SMOC2: variants seen among roughly 807,000 people sequenced by gnomAD.
The protein encoded by SMOC2 is SPARC related modular calcium binding 2, also known as SPARC-related modular calcium-binding protein 2.
Under a neutral mutation model 61.4 loss-of-function variants are expected in SMOC2, and 39 were observed. That is an observed-to-expected ratio of 0.64 (90% CI 0.49 to 0.83). The LOEUF is 0.83. Among genes scored for constraint, SMOC2 ranks in the 40% least tolerant of loss-of-function variants. SMOC2 has a pLI of 0.00. For synonymous variants in SMOC2, 247 were observed against 239.9 expected, an observed-to-expected ratio of 1.03 and a Z score of -0.27; for missense variants, 556 against 592.9, an observed-to-expected ratio of 0.94 and a Z score of 0.65.
intron 1 of SMOC2, among the ~76,000 whole-genome samples, chr6:168,455,073 C>T (rs1781553223): frequency 6.6e-6 from 1 of 151,918 alleles, no homozygotes; most frequent in Non-Finnish European, 1.5e-5. Flanking sequence ...TTGTTAGGGG[C>T]CCCTGCAGGG....
At position 168,546,976 on chromosome 6, in the gene SMOC2, C is replaced by T. The variant is rs112812330; in HGVS notation, c.512-143C>T. The T allele has an allele frequency of 2.2e-4, 196 of 908,460 alleles. No individual in the cohort carries two copies. The African/African-American group carries it at 2.7e-3, about 12-fold the overall frequency. The allele number at this position is 908,460 out of a possible 1,614,324, so 56.3% of individuals were successfully genotyped here. A position where few individuals can be genotyped will look rare whatever the true frequency, so the allele number is the denominator to read the frequency against. On this transcript the variant is annotated intron_variant, in intron 5 of 12. Transcript: ENST00000356284. ...TTCCAGCCGCAGCTGCAGGCAGCATCGCGTTGGGTCTGTGTGGGGTTGCTG... is the reference window on the plus strand; with the variant it reads ...TTCCAGCCGCAGCTGCAGGCAGCATTGCGTTGGGTCTGTGTGGGGTTGCTG...
chr6:168,560,301 G>A (rs1189971824), intron 7 of SMOC2, among the ~76,000 whole-genome samples: 1 of 152,168 alleles, frequency 6.6e-6, no homozygotes, highest in Non-Finnish European at 1.5e-5. Context: ...AGATGAAAGG[G>A]CAAACGAAGA....
intron 7 of SMOC2, among the ~76,000 whole-genome samples, chr6:168,559,511 T>G (rs1784343564): frequency 6.6e-6 from 1 of 150,764 alleles, no homozygotes; most frequent in Non-Finnish European, 1.5e-5. Context: ...AGTAACATAG[T>G]AGAAGAGATT....
chr6:168,638,615 G>A (rs1786807699), intron 9 of SMOC2, among the ~76,000 whole-genome samples: 1 of 152,168 alleles, frequency 6.6e-6, no homozygotes. Flanking sequence ...GGCTGGGAAG[G>A]CCCATCAGGA....
intron 8 of SMOC2, among the ~76,000 whole-genome samples, chr6:168,605,393 G>A (rs1198473870): frequency 2.0e-5 from 3 of 152,118 alleles, no homozygotes; most frequent in Non-Finnish European, 4.4e-5. Flanking sequence ...AGAGACGTTT[G>A]TGTTTTTCCT....
At chr6:168,457,399 G>T (rs1353505726) in intron 1 of SMOC2, among the ~76,000 whole-genome samples, 1 of 152,172 alleles carries the variant, frequency 6.6e-6, no homozygotes, top group African/African-American at 2.4e-5. Context: ...GGCTGACTGC[G>T]ATGGACTCAG....
intron 8 of SMOC2, among the ~76,000 whole-genome samples, chr6:168,601,247 G>T (rs1785546920): frequency 6.6e-6 from 1 of 152,216 alleles, no homozygotes; most frequent in Admixed American, 6.5e-5. Context: ...GGCCCGCTGG[G>T]AGTCCTGCTT....
intron 1 of SMOC2, among the ~76,000 whole-genome samples, 176 bp from the exon 2 acceptor site, chr6:168,509,739 A>T (rs1365300274): frequency 6.6e-6 from 1 of 152,192 alleles, no homozygotes; most frequent in Admixed American, 6.5e-5. Flanking sequence ...GAAACAGATG[A>T]TGGCTAAAAT....
intron 2 of SMOC2, among the ~76,000 whole-genome samples, chr6:168,510,977 T>A (rs1469939770): frequency 6.6e-6 from 1 of 152,182 alleles, no homozygotes; most frequent in African/African-American, 2.4e-5. Context: ...AGACCGCATG[T>A]CCAGCAGGGG....
intron 7 of SMOC2, among the ~76,000 whole-genome samples, chr6:168,590,907 T>C (rs1274920343): frequency 6.6e-6 from 1 of 152,212 alleles, no homozygotes; most frequent in African/African-American, 2.4e-5. Flanking sequence ...ATTTTTTTAA[T>C]AGACCTTCTA....
intron 1 of SMOC2, among the ~76,000 whole-genome samples, chr6:168,488,046 T>C (rs2115029482): frequency 6.6e-6 from 1 of 152,326 alleles, no homozygotes; most frequent in East Asian, 1.9e-4. Flanking sequence ...AGCAAGGCAA[T>C]ACATCTGCAG....
rs1485115094 is a variant in SMOC2 at position 168,545,809 on chromosome 6, T to C, written c.512-1310T>C. On this transcript the variant is annotated intron_variant, in intron 5 of 12. Transcript: ENST00000356284. ...CAGCAAAAACACACAACAGTAATAATGTATTTGATTGTCCTCATTCCAAAA... is the reference window on the plus strand; with the variant it reads ...CAGCAAAAACACACAACAGTAATAACGTATTTGATTGTCCTCATTCCAAAA... 5.3e-5 allele frequency among the ~76,000 whole-genome samples: 8 copies of C among 152,230 alleles called. No homozygotes were observed. The South Asian group carries it at 1.7e-3, about 32-fold the overall frequency.
chr6:168,653,590 T>C (rs965346288), intron 11 of SMOC2, among the ~76,000 whole-genome samples: 5 of 150,558 alleles, frequency 3.3e-5, no homozygotes, highest in Non-Finnish European at 5.9e-5. Flanking sequence ...TCCAACCAAA[T>C]GTTAGGAACT....
At position 168,639,473 on chromosome 6, in the gene SMOC2, G is replaced by A. The variant is rs79311819; in HGVS notation, c.908-11208G>A. Among the ~76,000 whole-genome samples, 77 of 152,318 alleles carry A rather than the reference G, an allele frequency of 5.1e-4. 1 individual carries two copies. The East Asian group carries it at 0.012, about 24-fold the overall frequency. On this transcript the variant is annotated intron_variant, in intron 9 of 12. Coordinates refer to ENST00000356284, the MANE Select transcript of SMOC2 (RefSeq NM_001166412.2). ...GTAGGATAGGGTATCTGGGATAACC[G>A]TCAACTCCAATATTTGTCTTTCCGT...
At chr6:168,514,695 C>T (rs1249958209) in intron 2 of SMOC2, among the ~76,000 whole-genome samples, 4 of 146,562 alleles carry the variant, frequency 2.7e-5, no homozygotes, top group East Asian at 2.0e-4. Flanking sequence ...TGGAAACAAG[C>T]GCTGTAGAAG....
intron 1 of SMOC2, among the ~76,000 whole-genome samples, chr6:168,503,976 C>A (rs571921903): frequency 6.6e-6 from 1 of 152,150 alleles, no homozygotes; most frequent in South Asian, 2.1e-4. Flanking sequence ...TCTGTTTGAA[C>A]CCCGGTCTCC....
intron 1 of SMOC2, among the ~76,000 whole-genome samples, chr6:168,462,950 C>T (rs1781747516): frequency 1.3e-5 from 2 of 152,128 alleles, no homozygotes; most frequent in African/African-American, 4.8e-5. Context: ...ATTCAAATGA[C>T]CTCTATAAAT....
chr6:168,560,471 C>T (rs551163091), intron 7 of SMOC2, among the ~76,000 whole-genome samples: 8 of 152,326 alleles, frequency 5.3e-5, no homozygotes, highest in East Asian at 3.9e-4. Context: ...AAGAAGAATG[C>T]GTCCTCTGTG....
At chr6:168,489,218 G>A (rs181675130) in intron 1 of SMOC2, among the ~76,000 whole-genome samples, 28 of 143,952 alleles carry the variant, frequency 1.9e-4, no homozygotes, top group African/African-American at 6.0e-4. Context: ...ATATCAAATC[G>A]TCTGGGTCCT....
Sources: gnomAD v4.1 joint callset for allele counts (sites outside exome capture counted in the v4.1 genomes callset) on GRCh38, gnomAD v4.1.1 for gene constraint, MANE v1.5 for transcripts, NCBI Gene and HGNC (gene_info 2026-07-23, HGNC 2026-07-21) for gene names.